ELMO1: variants seen among roughly 807,000 people sequenced by gnomAD.
ELMO1 encodes the protein engulfment and cell motility protein 1.
Under a neutral mutation model 98.9 loss-of-function variants are expected in ELMO1, and 26 were observed. The observed-to-expected ratio is 0.26, with a 90% CI of 0.19 to 0.36. The LOEUF (loss-of-function observed/expected upper bound fraction) is 0.36, where lower values mean the gene tolerates loss of function less well. Ranked by LOEUF, ELMO1 falls within the 10% of genes least tolerant of loss-of-function variation. The pLI is 1.00. For synonymous variants in ELMO1, 346 were observed against 346.0 expected (o/e 1.00, Z 0.00); for missense variants, 627 against 935.2 (o/e 0.67, Z 4.30).
chr7:37,011,992 C>T (rs944528999), intron 16 of ELMO1, among the ~76,000 whole-genome samples: 1 of 152,146 alleles, frequency 6.6e-6, no homozygotes, highest in African/African-American at 2.4e-5. Context: ...CAAGCCTGTC[C>T]TCCGGCATAG....
intron 8 of ELMO1, among the ~76,000 whole-genome samples, chr7:37,226,629 G>T (rs1175669100): frequency 6.6e-6 from 1 of 152,066 alleles, no homozygotes; most frequent in Non-Finnish European, 1.5e-5. Context: ...CAATACTTCA[G>T]ATTTTCTTGC....
intron 16 of ELMO1, among the ~76,000 whole-genome samples, chr7:36,899,367 C>T (rs1806305023): frequency 6.6e-6 from 1 of 152,012 alleles, no homozygotes; most frequent in Non-Finnish European, 1.5e-5. Context: ...GTCTGCATGG[C>T]TGAGACAACA....
chr7:36,999,621 CTG>C (rs1792491842), intron 16 of ELMO1, among the ~76,000 whole-genome samples: 1 of 152,312 alleles, frequency 6.6e-6, no homozygotes, highest in Admixed American at 6.5e-5. Context: ...TAGAAGAAGA[CTG>C]TGTCAGAAAC....
intron 16 of ELMO1, among the ~76,000 whole-genome samples, chr7:36,912,087 T>C (rs980102006): frequency 2.6e-5 from 4 of 152,206 alleles, no homozygotes; most frequent in Non-Finnish European, 4.4e-5. Flanking sequence ...CAAATATTGA[T>C]ATCCAAGTTG....
At chr7:37,037,138 CTAGT>C (rs1162716397) in intron 15 of ELMO1, among the ~76,000 whole-genome samples, 3 of 152,288 alleles carry the variant, frequency 2.0e-5, no homozygotes, top group Admixed American at 6.5e-5. Context: ...TCCAGATCCA[CTAGT>C]TAAACTCACA....
intron 16 of ELMO1, among the ~76,000 whole-genome samples, chr7:36,934,275 C>T (rs79759587): frequency 2.0e-5 from 3 of 152,216 alleles, no homozygotes; most frequent in Admixed American, 1.3e-4. Context: ...GCTGCTGCAA[C>T]GCTTTCTTAA....
intron 16 of ELMO1, among the ~76,000 whole-genome samples, chr7:36,938,615 A>G (rs1191818506): frequency 6.6e-6 from 1 of 152,238 alleles, no homozygotes; most frequent in Non-Finnish European, 1.5e-5. Context: ...GTATGCATAT[A>G]TCATATTATG....
Position 36,861,749 on chromosome 7 carries a change from A to G in ELMO1, c.1906-13T>C, listed in dbSNP as rs748493577. On this transcript the variant is annotated splice_polypyrimidine_tract_variant and intron_variant, in intron 20 of 21. Coordinates refer to ENST00000310758, the MANE Select transcript of ELMO1 (RefSeq NM_014800.11). The stretch of plus-strand genomic sequence containing the variant: ...GTTCAAGCACCTCCTACAAGAGATG[A>G]GAGAAAACAGCACCTTAAGGAAAAT... The G allele has an allele frequency of 6.2e-7, 1 of 1,612,512 alleles. No homozygotes were observed. The highest frequency in any genetic ancestry group is 8.5e-7 in the Non-Finnish European group (1 of 1,178,964).
At chr7:37,440,218 C>T (rs752771043) in intron 1 of ELMO1, among the ~76,000 whole-genome samples, 5 of 151,950 alleles carry the variant, frequency 3.3e-5, no homozygotes, top group Non-Finnish European at 4.4e-5. Context: ...CCAAGGCAGG[C>T]GGATCACAAG....
chr7:37,295,113 A>G (rs1038915767), intron 4 of ELMO1, among the ~76,000 whole-genome samples: 3 of 152,248 alleles, frequency 2.0e-5, no homozygotes, highest in African/African-American at 7.2e-5. Flanking sequence ...ACAATTCTTG[A>G]TATTATTCAT....
At chr7:37,200,653 G>A (rs1404411611) in intron 13 of ELMO1, among the ~76,000 whole-genome samples, 2 of 152,012 alleles carry the variant, frequency 1.3e-5, no homozygotes, top group South Asian at 2.1e-4. Context: ...ACCCACTTTC[G>A]CTTCTCTTCC....
intron 5 of ELMO1, among the ~76,000 whole-genome samples, chr7:37,260,840 A>C (rs2717970): frequency 0.32 from 48,424 of 152,094 alleles, 7,821 homozygotes; most frequent in Middle Eastern, 0.43. Context: ...CACATCACTC[A>C]AATATTAAAA....
intron 14 of ELMO1, among the ~76,000 whole-genome samples, chr7:37,110,785 T>C (rs1331367679): frequency 6.6e-6 from 1 of 152,154 alleles, no homozygotes; most frequent in East Asian, 1.9e-4. Flanking sequence ...CCCCATGCTG[T>C]GGCTCTCCCC....
intron 16 of ELMO1, among the ~76,000 whole-genome samples, chr7:36,920,498 T>G (rs1293430781): frequency 6.6e-6 from 1 of 152,184 alleles, no homozygotes; most frequent in Non-Finnish European, 1.5e-5. Context: ...TGGTTTTTGG[T>G]TTATATTCTA....
chr7:37,202,553 G>A (rs1171375914), intron 13 of ELMO1, among the ~76,000 whole-genome samples: 1 of 152,138 alleles, frequency 6.6e-6, no homozygotes, highest in Non-Finnish European at 1.5e-5. Flanking sequence ...ACCAGGTTTT[G>A]GGGATGCGGT....
intron 1 of ELMO1, among the ~76,000 whole-genome samples, chr7:37,432,558 C>T (rs1177195755): frequency 6.6e-6 from 1 of 152,220 alleles, no homozygotes; most frequent in Non-Finnish European, 1.5e-5. Context: ...TATCAAGTTT[C>T]AATTGCTAGC....
At chr7:37,290,059 G>C (rs1325176240) in intron 4 of ELMO1, among the ~76,000 whole-genome samples, 1 of 152,134 alleles carries the variant, frequency 6.6e-6, no homozygotes, top group South Asian at 2.1e-4. Flanking sequence ...ATTAGGATGG[G>C]TGTTTTCCTT....
At chr7:37,097,017 T>C (rs1283511753) in intron 14 of ELMO1, among the ~76,000 whole-genome samples, 2 of 152,216 alleles carry the variant, frequency 1.3e-5, no homozygotes, top group Non-Finnish European at 2.9e-5. Context: ...CAATAAAGAC[T>C]TTTTCACTTC....
At chr7:37,266,267 A>T (rs1045172048) in intron 5 of ELMO1, among the ~76,000 whole-genome samples, 4 of 150,584 alleles carry the variant, frequency 2.7e-5, no homozygotes, top group East Asian at 1.9e-4. Flanking sequence ...AATGGAATTA[A>T]AAAAAAAAAT....
Sources: allele counts gnomAD v4.1 joint callset (sites outside exome capture counted in the v4.1 genomes callset), GRCh38; gene constraint gnomAD v4.1.1; transcripts MANE v1.5; gene names NCBI Gene and HGNC (gene_info 2026-07-23, HGNC 2026-07-21).